MYT1L: variants seen among roughly 807,000 people sequenced by gnomAD.
MYT1L encodes the protein myelin transcription factor 1 like.
A neutral mutation model predicts 126.7 loss-of-function variants in MYT1L; 12 were observed. That is an observed-to-expected ratio of 0.09 (90% CI 0.06 to 0.15). The LOEUF (loss-of-function observed/expected upper bound fraction) is 0.15, where lower values mean the gene tolerates loss of function less well. Ranked by LOEUF, MYT1L falls within the 10% of genes least tolerant of loss-of-function variation. The pLI is 1.00. For synonymous variants in MYT1L, 541 were observed against 604.2 expected (o/e 0.90, Z 1.53); for missense variants, 979 against 1,585.2 (o/e 0.62, Z 6.49).
intron 4 of MYT1L, among the ~76,000 whole-genome samples, chr2:2,038,800 C>T (rs2067183850): frequency 6.6e-6 from 1 of 152,110 alleles, no homozygotes; most frequent in South Asian, 2.1e-4. Context: ...CCCTGCTGGA[C>T]ATCAGCCATC....
At chr2:2,276,598 A>C (rs916920106) in intron 2 of MYT1L, among the ~76,000 whole-genome samples, 2 of 152,122 alleles carry the variant, frequency 1.3e-5, no homozygotes, top group Non-Finnish European at 2.9e-5. Flanking sequence ...CCTACTCTGC[A>C]AGCGCTAAGG....
chr2:1,981,671 G>A (rs2060619884), intron 5 of MYT1L, among the ~76,000 whole-genome samples: 1 of 152,228 alleles, frequency 6.6e-6, no homozygotes, highest in Non-Finnish European at 1.5e-5. Context: ...ATAGACAGCT[G>A]CTGGCCTTTC....
chr2:2,015,412 G>A (rs1313519953), intron 4 of MYT1L, among the ~76,000 whole-genome samples: 1 of 152,180 alleles, frequency 6.6e-6, no homozygotes, highest in Non-Finnish European at 1.5e-5. Flanking sequence ...ATGGCTATGG[G>A]AGGCCAGGCA....
chr2:2,177,307 A>G (rs909447895), intron 2 of MYT1L, among the ~76,000 whole-genome samples: 9 of 152,208 alleles, frequency 5.9e-5, no homozygotes, highest in Non-Finnish European at 8.8e-5. Context: ...AAATGTTTCA[A>G]TGCAATATTG....
chr2:2,030,120 T>C (rs1279726987), intron 4 of MYT1L, among the ~76,000 whole-genome samples: 5 of 152,162 alleles, frequency 3.3e-5, no homozygotes, highest in African/African-American at 1.2e-4. Flanking sequence ...TTTTTTAAGA[T>C]GGAGTCTTGC....
chr2:1,818,204 G>A (rs2037983844), intron 21 of MYT1L, among the ~76,000 whole-genome samples: 1 of 152,176 alleles, frequency 6.6e-6, no homozygotes, highest in African/African-American at 2.4e-5. Context: ...CACAGATTGG[G>A]AAGAAAAATA....
intron 2 of MYT1L, among the ~76,000 whole-genome samples, chr2:2,173,548 T>C (rs1007805197): frequency 5.9e-5 from 9 of 152,242 alleles, no homozygotes; most frequent in African/African-American, 2.2e-4. Context: ...CATGTTTTTC[T>C]GCAATGTTAT....
chr2:2,126,648 T>C (rs898048851), intron 3 of MYT1L, among the ~76,000 whole-genome samples: 19 of 152,330 alleles, frequency 1.2e-4, no homozygotes, highest in African/African-American at 3.4e-4. Flanking sequence ...GCTGCAGGAC[T>C]CTCGCTCTGA....
In MYT1L at chr2:1,864,063, C is replaced by T. The variant is rs534489447; in HGVS notation, c.2712-12360G>A. ...CTGGCCTTCATGCCCCCCAGGGCTG[C>T]GGCTGCAGGTTTTCTTCACAGCCTG... is the stretch of plus-strand genomic sequence containing the variant. On this transcript the variant is annotated intron_variant, in intron 18 of 24. Coordinates refer to ENST00000647738, the MANE Select transcript of MYT1L (RefSeq NM_001303052.2). 3.3e-5 allele frequency among the ~76,000 whole-genome samples: 5 copies of T among 152,314 alleles called. No homozygotes were observed. The South Asian group carries it at 6.2e-4, about 19-fold the overall frequency.
chr2:2,168,316 G>A (rs1460991680), intron 3 of MYT1L, among the ~76,000 whole-genome samples: 2 of 152,182 alleles, frequency 1.3e-5, no homozygotes, highest in Non-Finnish European at 2.9e-5. Context: ...TGCATGCTAG[G>A]AAGCCAAGTG....
At chr2:2,244,251 G>A (rs2094491088) in intron 2 of MYT1L, among the ~76,000 whole-genome samples, 1 of 152,134 alleles carries the variant, frequency 6.6e-6, no homozygotes, top group Admixed American at 6.5e-5. Flanking sequence ...GTTGGAAAAG[G>A]GTAGTTTTCC....
At chr2:2,109,834 A>T (rs1425711861) in intron 3 of MYT1L, among the ~76,000 whole-genome samples, 1 of 145,184 alleles carries the variant, frequency 6.9e-6, no homozygotes. Flanking sequence ...CCATGTGTGG[A>T]AATAAAATTT....
At chr2:1,992,926 C>T (rs1352592585) in intron 5 of MYT1L, among the ~76,000 whole-genome samples, 5 of 152,314 alleles carry the variant, frequency 3.3e-5, no homozygotes, top group Admixed American at 2.6e-4. Flanking sequence ...GATGGATCAG[C>T]TGGCACCACC....
chr2:1,937,738 T>C (rs2056159288), intron 9 of MYT1L, among the ~76,000 whole-genome samples: 1 of 151,602 alleles, frequency 6.6e-6, no homozygotes. Flanking sequence ...TCCACAGCCA[T>C]CAGATGGCAA....
chr2:2,064,907 G>A (rs182419860), intron 3 of MYT1L, among the ~76,000 whole-genome samples: 4 of 152,314 alleles, frequency 2.6e-5, no homozygotes, highest in South Asian at 2.1e-4. Context: ...AGAAATGAGT[G>A]TATGACCAGG....
intron 18 of MYT1L, among the ~76,000 whole-genome samples, chr2:1,870,429 C>T (rs2046133869): frequency 6.6e-6 from 1 of 152,162 alleles, no homozygotes; most frequent in Non-Finnish European, 1.5e-5. Context: ...GGAAACTTCT[C>T]AAACACACAG....
intron 2 of MYT1L, among the ~76,000 whole-genome samples, chr2:2,241,636 T>C (rs2094442544): frequency 6.6e-6 from 1 of 152,238 alleles, no homozygotes; most frequent in African/African-American, 2.4e-5. Context: ...TTTTTGTTTT[T>C]GGATTTTGGT....
At chr2:1,816,884 G>A (rs558072412) in intron 21 of MYT1L, 1 of 152,496 alleles carries the variant, frequency 6.6e-6, no homozygotes, top group East Asian at 1.9e-4. Context: ...AGGACCCCGG[G>A]GTCCTGCCAG....
chr2:2,315,414 A>G (rs1010717727), intron 1 of MYT1L, among the ~76,000 whole-genome samples: 5 of 152,134 alleles, frequency 3.3e-5, no homozygotes, highest in Non-Finnish European at 7.4e-5. Context: ...GGTTTCTTAA[A>G]CAGTATATAT....
Sources: gnomAD v4.1 joint callset for allele counts (sites outside exome capture counted in the v4.1 genomes callset) on GRCh38, gnomAD v4.1.1 for gene constraint, MANE v1.5 for transcripts, NCBI Gene and HGNC (gene_info 2026-07-23, HGNC 2026-07-21) for gene names.